ANO1: variants seen among roughly 807,000 people sequenced by gnomAD.
ANO1 encodes the protein anoctamin-1.
ANO1 carries 59 observed loss-of-function variants against 124.0 expected under a neutral mutation model. That is an observed-to-expected ratio of 0.48 (90% CI 0.39 to 0.59). The LOEUF (loss-of-function observed/expected upper bound fraction) is 0.59, where lower values mean the gene tolerates loss of function less well. Ranked by LOEUF, ANO1 falls within the 20% of genes least tolerant of loss-of-function variation. The pLI, the probability that ANO1 is intolerant of heterozygous loss-of-function variation, is 0.00. For synonymous variants in ANO1, 529 were observed against 532.0 expected, an observed-to-expected ratio of 0.99 and a Z score of 0.08; for missense variants, 1,059 against 1,328.0, an observed-to-expected ratio of 0.80 and a Z score of 3.15.
chr11:70,075,741 C>T (rs536541462), upstream of ANO1, among the ~76,000 whole-genome samples: 22 of 152,220 alleles, frequency 1.4e-4, no homozygotes, highest in Admixed American at 2.6e-4. Flanking sequence ...TATGGAGAGC[C>T]CCCACGTATA....
chr11:70,167,345 C>T lies in ANO1; in HGVS notation c.2155C>T (p.Leu719=), dbSNP rs763659169. ...ACAGCGGTACGAGGTGGATTACAAC[C>T]TGGAGCCCTTCGCGGGCCTCACCCC... The part of the protein sequence containing the change: ...RKQRYEVDYN[L]EPFAGLTPEY... Residue 719 remains leucine (L), a synonymous_variant, in exon 21 of 26, where the codon CTG becomes TTG. Coordinates refer to ENST00000355303, the MANE Select transcript of ANO1 (RefSeq NM_018043.7). The T allele has an allele frequency of 1.2e-6, 2 of 1,613,752 alleles. No homozygotes were observed. The highest frequency in any genetic ancestry group is 1.7e-5 in the Admixed American group (1 of 59,978).
At chr11:70,127,304 C>T (rs1401430169) in intron 10 of ANO1, among the ~76,000 whole-genome samples, 1 of 152,172 alleles carries the variant, frequency 6.6e-6, no homozygotes, top group Admixed American at 6.5e-5. Context: ...TGCCCAGCTT[C>T]CTAAGGCTGC....
intron 5 of ANO1, 51 bp from the exon 6 acceptor site, chr11:70,108,302 G>C (rs534462014): frequency 6.4e-7 from 1 of 1,573,866 alleles, no homozygotes; most frequent in Non-Finnish European, 8.7e-7. Context: ...GTTTCTGCTC[G>C]TGGAAGGTGC....
intron 11 of ANO1, among the ~76,000 whole-genome samples, chr11:70,138,506 C>CAAA (rs564343150): frequency 2.4e-5 from 3 of 125,986 alleles, no homozygotes; most frequent in African/African-American, 2.9e-5. Context: ...AAGTCCGTCT[C>CAAA]AAAAAAAAAA....
chr11:70,142,585 T>C (rs1220697564), intron 11 of ANO1, among the ~76,000 whole-genome samples: 1 of 152,140 alleles, frequency 6.6e-6, no homozygotes, highest in Non-Finnish European at 1.5e-5. Context: ...AAATGGAGTC[T>C]GCACTAAGCA....
At chr11:70,087,706 C>G (rs779480864) in intron 1 of ANO1, 46 bp from the exon 2 acceptor site, 2 of 1,507,222 alleles carry the variant, frequency 1.3e-6, no homozygotes, top group Non-Finnish European at 1.8e-6. Context: ...AAAGGCCCAT[C>G]ACGAGCAGCT....
chr11:70,125,414 G>A (rs1363826671), intron 9 of ANO1, among the ~76,000 whole-genome samples: 7 of 151,456 alleles, frequency 4.6e-5, no homozygotes, highest in Admixed American at 4.6e-4. Flanking sequence ...TACTCAGGAG[G>A]CTGAGGCAGG....
At chr11:70,005,014 G>A (rs1346665139) in intron 1 of ANO1, among the ~76,000 whole-genome samples, 1 of 151,660 alleles carries the variant, frequency 6.6e-6, no homozygotes, top group Non-Finnish European at 1.5e-5. Context: ...TCAGGAGGCT[G>A]AGGCAGGAGA....
rs146901131 is a variant in ANO1, at chr11:70,102,362, G to A, written c.442-704G>A. ...AGCCCCTAGCTGGTGCCGCATCCTCGCCAGCCAGCGCTCGGTGACTCTCTG... is the reference window on the plus strand; with the variant it reads ...AGCCCCTAGCTGGTGCCGCATCCTCACCAGCCAGCGCTCGGTGACTCTCTG... On this transcript the variant is annotated intron_variant, in intron 2 of 25. Transcript: ENST00000355303. 1.8e-3 allele frequency among the ~76,000 whole-genome samples: 276 copies of A among 152,282 alleles called. 2 individuals carry two copies. The highest frequency in any genetic ancestry group is 4.2e-3 in the Admixed American group (65 of 15,306).
chr11:70,120,189 C>G (rs1466947401), intron 8 of ANO1, among the ~76,000 whole-genome samples: 1 of 152,030 alleles, frequency 6.6e-6, no homozygotes, highest in Non-Finnish European at 1.5e-5. Flanking sequence ...GGAGGGTGGG[C>G]AGAAGAGAGT....
At chr11:70,099,793 G>A (rs977130503) in intron 2 of ANO1, among the ~76,000 whole-genome samples, 2 of 152,174 alleles carry the variant, frequency 1.3e-5, no homozygotes, top group African/African-American at 4.8e-5. Flanking sequence ...CCCAGTTTGC[G>A]ATGAGGAAAT....
chr11:70,103,918 C>T (rs903387163), intron 3 of ANO1, 81 bp from the exon 4 acceptor site: 2 of 1,473,968 alleles, frequency 1.4e-6, no homozygotes, highest in Non-Finnish European at 1.8e-6. Context: ...TGGGATGGTT[C>T]TCTGACCATC....
At chr11:69,971,805 C>G in the ANO1 span, among the ~76,000 whole-genome samples, 4 of 152,140 alleles carry the variant, frequency 2.6e-5, no homozygotes, top group Non-Finnish European at 4.4e-5. Context: ...TTATGTAACT[C>G]TCACCTTCAC....
At chr11:69,976,001 T>C in the ANO1 span, among the ~76,000 whole-genome samples, 1 of 152,116 alleles carries the variant, frequency 6.6e-6, no homozygotes, top group Non-Finnish European at 1.5e-5. Context: ...GACTGGCCCT[T>C]AGGGACCGTG....
At chr11:70,184,898 T>C (rs974861471) in intron 24 of ANO1, among the ~76,000 whole-genome samples, 2 of 152,076 alleles carry the variant, frequency 1.3e-5, no homozygotes, top group African/African-American at 4.8e-5. Context: ...AGGCGTGCAC[T>C]GCCAGGCCCG....
At chr11:70,030,988 A>G (rs1052110998) in intron 1 of ANO1, among the ~76,000 whole-genome samples, 1 of 152,248 alleles carries the variant, frequency 6.6e-6, no homozygotes. Context: ...TCTGTCATCC[A>G]GGCTGGAGTG....
chr11:70,088,887 C>T (rs2044506393), intron 2 of ANO1, among the ~76,000 whole-genome samples: 1 of 152,206 alleles, frequency 6.6e-6, no homozygotes, highest in African/African-American at 2.4e-5. Context: ...ACACTGTGCT[C>T]TGAAGCCCTG....
At chr11:70,119,166 A>C (rs1189541516) in intron 8 of ANO1, among the ~76,000 whole-genome samples, 6 of 138,738 alleles carry the variant, frequency 4.3e-5, no homozygotes, top group Non-Finnish European at 9.3e-5. Context: ...GGAATTAATG[A>C]TGGATGATGG....
At chr11:69,975,772 C>T in the ANO1 span, among the ~76,000 whole-genome samples, 14 of 152,254 alleles carry the variant, frequency 9.2e-5, no homozygotes, top group African/African-American at 2.9e-4. Flanking sequence ...CCTGTCACCA[C>T]CTGGCAGGTA....
Sources: gnomAD v4.1 joint callset for allele counts (sites outside exome capture counted in the v4.1 genomes callset) on GRCh38, gnomAD v4.1.1 for gene constraint, MANE v1.5 for transcripts, NCBI Gene and HGNC (gene_info 2026-07-23, HGNC 2026-07-21) for gene names.